MINDY4: variants seen among roughly 807,000 people sequenced by gnomAD.
The protein encoded by MINDY4 is MINDY lysine 48 deubiquitinase 4.
In MINDY4, 68 loss-of-function variants were observed where a neutral mutation model predicts 87.0. The ratio of observed to expected loss-of-function variants is 0.78; its 90% CI spans 0.64 to 0.96. MINDY4 has a LOEUF of 0.96. MINDY4 is among the 40% of genes least tolerant of loss of function. The probability of loss-of-function intolerance (pLI) is 0.00; values close to 1 mark genes in which losing one functional copy is unlikely to be tolerated. For synonymous variants in MINDY4, 379 were observed against 363.2 expected, an observed-to-expected ratio of 1.04 and a Z score of -0.50; for missense variants, 919 against 928.2, an observed-to-expected ratio of 0.99 and a Z score of 0.13.
chr7:30,875,673 G>A lies in MINDY4; in HGVS notation c.1971+17G>A, dbSNP rs757724821. 2.5e-6 allele frequency: 4 copies of A among 1,591,736 alleles called. No individual in the cohort carries two copies. The highest frequency in any genetic ancestry group is 1.7e-5 in the Admixed American group (1 of 58,748). On this transcript the variant is annotated intron_variant, in intron 15 of 17. Transcript: ENST00000265299. ...ATGTGCCAGGTACCCAGATGCTCAC[G>A]TTCACCACAAGTAGGGGAGCCTGAC...
intron 6 of MINDY4, 42 bp downstream of exon 6, chr7:30,828,779 CA>C: frequency 6.2e-7 from 1 of 1,603,178 alleles, no homozygotes; most frequent in Non-Finnish European, 8.5e-7. Flanking sequence ...CATCAGGGCC[CA>C]AGGGGTCCTC....
chr7:30,782,296 T>C, intron 3 of MINDY4, 84 bp downstream of exon 3: 1 of 1,022,402 alleles, frequency 9.8e-7, no homozygotes, highest in African/African-American at 1.6e-5. Context: ...TTTCAGTCAG[T>C]ATTCTCCAGA....
At chr7:30,783,185 C>A (rs10254554) in intron 3 of MINDY4, among the ~76,000 whole-genome samples, 16,057 of 152,074 alleles carry the variant, frequency 0.11, 914 homozygotes, top group East Asian at 0.21. Context: ...ATTTTCTTTT[C>A]TTTTTTAGCT....
chr7:30,849,026 A>G (rs1033644835), intron 9 of MINDY4, among the ~76,000 whole-genome samples: 1 of 152,170 alleles, frequency 6.6e-6, no homozygotes, highest in Non-Finnish European at 1.5e-5. Context: ...TTGCCAGTTT[A>G]TGGATGAGGA....
chr7:30,776,825 T>C (rs1786832773), intron 1 of MINDY4, among the ~76,000 whole-genome samples: 9 of 152,222 alleles, frequency 5.9e-5, no homozygotes, highest in Admixed American at 5.9e-4. Context: ...TTATTCCTTC[T>C]GTCTCTCCTG....
chr7:30,883,694 G>C (rs1018587201), intron 17 of MINDY4, among the ~76,000 whole-genome samples: 2 of 152,192 alleles, frequency 1.3e-5, no homozygotes, highest in Non-Finnish European at 2.9e-5. Context: ...TGCCCCGGCA[G>C]GCCCTTCACA....
At chr7:30,836,532 G>A (rs370421052) in intron 6 of MINDY4, 126 bp from the exon 7 acceptor site, 9 of 770,818 alleles carry the variant, frequency 1.2e-5, no homozygotes, top group Middle Eastern at 2.4e-4. Flanking sequence ...GAATGAATGC[G>A]GGGAGGAACC....
intron 13 of MINDY4, among the ~76,000 whole-genome samples, chr7:30,860,382 C>T (rs1004313024): frequency 6.6e-6 from 1 of 152,124 alleles, no homozygotes; most frequent in African/African-American, 2.4e-5. Context: ...TTATTAAATG[C>T]GTGTGAGTAC....
intron 13 of MINDY4, among the ~76,000 whole-genome samples, chr7:30,866,489 C>T (rs1442780354): frequency 3.9e-5 from 6 of 152,194 alleles, no homozygotes; most frequent in East Asian, 3.8e-4. Context: ...AGTTGCTGTG[C>T]ACCTGCGGGG....
At chr7:30,885,771 C>T (rs953108042) in intron 17 of MINDY4, among the ~76,000 whole-genome samples, 19 of 151,016 alleles carry the variant, frequency 1.3e-4, no homozygotes, top group African/African-American at 4.4e-4. Context: ...TTCTCTGGCC[C>T]GCCATAGGCA....
In MINDY4 at chr7:30,813,896, T is replaced by C. The variant is rs184388775; in HGVS notation, c.1074-14783T>C. Among the ~76,000 whole-genome samples, 7 of 152,330 alleles carry C rather than the reference T, an allele frequency of 4.6e-5. No homozygotes were observed. In the East Asian group the frequency reaches 1.3e-3, roughly 29 times the overall value. On this transcript the variant is annotated intron_variant, in intron 5 of 17. Transcript: ENST00000265299. ...GTAGGTCAAAATTTCCTGGAGGTTC[T>C]TTTTTCATGATGGGGCAGTGTAGGG...
Position 30,785,389 on chromosome 7 carries a change from C to T in MINDY4, c.420-360C>T, listed in dbSNP as rs116817026. ...CTTCTCCACGCCTCTCAGTGGTGTG[C>T]GGCAAGGCTGGGCTTCGCATACCGC... On this transcript the variant is annotated intron_variant, in intron 3 of 17. Transcript: ENST00000265299. 2.6e-3 allele frequency among the ~76,000 whole-genome samples: 396 copies of T among 152,198 alleles called. 1 individual carries two copies. The highest frequency in any genetic ancestry group is 9.1e-3 in the African/African-American group (377 of 41,506).
intron 5 of MINDY4, among the ~76,000 whole-genome samples, chr7:30,819,936 C>G (rs1788273918): frequency 8.7e-6 from 1 of 114,392 alleles, no homozygotes; most frequent in Non-Finnish European, 1.6e-5. Flanking sequence ...GAGTCTCGCT[C>G]TGTCGCCCAG....
At position 30,778,554 on chromosome 7, in the gene MINDY4, A is replaced by G. The variant is rs760095103; in HGVS notation, c.183+3A>G. The G allele has an allele frequency of 4.8e-5, 77 of 1,614,024 alleles. No individual in the cohort carries two copies. Among genetic ancestry groups the G allele is most frequent in the Non-Finnish European group, 5.7e-5 (67 of 1,179,990 alleles). On this transcript the variant is annotated splice_donor_region_variant and intron_variant, in intron 2 of 17. Transcript: ENST00000265299. Reference sequence around the variant, plus strand: ...AATTTCTCTATAAGGAGAACAAGGTATGTGCTTTCTAAGGTGTGGTGTGGA... The same window carrying G: ...AATTTCTCTATAAGGAGAACAAGGTGTGTGCTTTCTAAGGTGTGGTGTGGA...
chr7:30,780,996 C>G (rs564737540), intron 2 of MINDY4: 1 of 152,194 alleles, frequency 6.6e-6, no homozygotes, highest in African/African-American at 2.4e-5. Flanking sequence ...TGGTTGTAGT[C>G]CATGGGCTGT....
intron 15 of MINDY4, among the ~76,000 whole-genome samples, chr7:30,881,414 T>C (rs563248781): frequency 1.8e-4 from 28 of 152,338 alleles, no homozygotes; most frequent in African/African-American, 6.5e-4. Flanking sequence ...AGTGCCCTGC[T>C]GCACCCTGAA....
At chr7:30,826,500 A>G (rs1460429372) in intron 5 of MINDY4, among the ~76,000 whole-genome samples, 1 of 152,232 alleles carries the variant, frequency 6.6e-6, no homozygotes, top group Non-Finnish European at 1.5e-5. Context: ...ATGAAAAGAT[A>G]TAGAGACATG....
chr7:30,815,163 G>C (rs962464630), intron 5 of MINDY4, among the ~76,000 whole-genome samples: 2 of 152,222 alleles, frequency 1.3e-5, no homozygotes. Flanking sequence ...TCAGTCCACT[G>C]TGGAAACTGG....
At chr7:30,880,293 C>T (rs1790419721) in intron 15 of MINDY4, among the ~76,000 whole-genome samples, 1 of 141,160 alleles carries the variant, frequency 7.1e-6, no homozygotes, top group Admixed American at 6.8e-5. Flanking sequence ...AAATGTGGCC[C>T]TCCCCCGCAC....
Sources: gnomAD v4.1 joint callset for allele counts (sites outside exome capture counted in the v4.1 genomes callset) on GRCh38, gnomAD v4.1.1 for gene constraint, MANE v1.5 for transcripts, NCBI Gene and HGNC (gene_info 2026-07-23, HGNC 2026-07-21) for gene names.